The following WDPCP variants were observed in gnomAD, a reference collection of about 807,000 sequenced individuals.
WDPCP encodes WD repeat containing planar cell polarity effector, also known as WD repeat-containing and planar cell polarity effector protein fritz homolog.
Under a neutral mutation model 93.1 loss-of-function variants are expected in WDPCP, and 71 were observed. The ratio of observed to expected loss-of-function variants is 0.76; its 90% CI spans 0.63 to 0.93. WDPCP has a LOEUF of 0.93. Ranked by LOEUF, WDPCP falls within the 40% of genes least tolerant of loss-of-function variation. The pLI is 0.00. For missense variants in WDPCP, 844 were observed against 887.4 expected, an observed-to-expected ratio of 0.95 and a Z score of 0.62; for synonymous variants, 315 against 315.0, an observed-to-expected ratio of 1.00 and a Z score of 0.00.
At chr2:63,545,826 T>A (rs1705114595) in intron 1 of WDPCP, among the ~76,000 whole-genome samples, 1 of 149,302 alleles carries the variant, frequency 6.7e-6, no homozygotes, top group Non-Finnish European at 1.5e-5. Flanking sequence ...TTCCAGCCCC[T>A]CTCGTTTCTT....
intron 1 of WDPCP, among the ~76,000 whole-genome samples, chr2:63,826,192 CT>C (rs1462305665): frequency 6.6e-6 from 1 of 151,946 alleles, no homozygotes; most frequent in Non-Finnish European, 1.5e-5. Context: ...TGGTGTCTTA[CT>C]TCTTATAATA....
At chr2:63,175,757 A>G (rs1243032958) in intron 14 of WDPCP, among the ~76,000 whole-genome samples, 1 of 152,186 alleles carries the variant, frequency 6.6e-6, no homozygotes, top group Non-Finnish European at 1.5e-5. Flanking sequence ...GTAGTATGTG[A>G]CAAGATTTCT....
At chr2:63,337,625 G>A (rs781541119) in intron 12 of WDPCP, among the ~76,000 whole-genome samples, 2 of 152,068 alleles carry the variant, frequency 1.3e-5, no homozygotes, top group Non-Finnish European at 2.9e-5. Context: ...TCTCACCAAC[G>A]GTGTATAAGA....
chr2:63,210,838 C>T (rs1313632753), intron 14 of WDPCP, among the ~76,000 whole-genome samples: 3 of 152,234 alleles, frequency 2.0e-5, no homozygotes. Context: ...GGTCCCATGC[C>T]CACGGAGCCT....
intron 1 of WDPCP, among the ~76,000 whole-genome samples, chr2:63,584,288 A>G (rs2106561691): frequency 6.6e-6 from 1 of 152,322 alleles, no homozygotes; most frequent in South Asian, 2.1e-4. Flanking sequence ...CTGAATTCTG[A>G]TTAATCATTC....
intron 9 of WDPCP, among the ~76,000 whole-genome samples, chr2:63,423,630 C>T (rs1464408980): frequency 6.6e-6 from 1 of 152,154 alleles, no homozygotes; most frequent in African/African-American, 2.4e-5. Flanking sequence ...CAAGTCTACA[C>T]ATCTGAAAAG....
At chr2:63,194,991 T>A (rs1176376696) in intron 14 of WDPCP, among the ~76,000 whole-genome samples, 4 of 152,152 alleles carry the variant, frequency 2.6e-5, no homozygotes, top group Admixed American at 6.5e-5. Context: ...ACTGTTTTTT[T>A]AAAATATATT....
At chr2:63,305,173 A>C (rs965271054) in intron 13 of WDPCP, among the ~76,000 whole-genome samples, 1 of 152,200 alleles carries the variant, frequency 6.6e-6, no homozygotes, top group Non-Finnish European at 1.5e-5. Context: ...GCACAGCTTC[A>C]GCAGACTTAA....
chr2:63,532,185 A>G (rs1291091379), intron 1 of WDPCP, among the ~76,000 whole-genome samples: 1 of 152,208 alleles, frequency 6.6e-6, no homozygotes, highest in African/African-American at 2.4e-5. Context: ...AGAAACAAAC[A>G]AAGCCTCCAA....
the WDPCP span, among the ~76,000 whole-genome samples, chr2:63,833,255 AAAAC>A: frequency 5.3e-5 from 8 of 152,194 alleles, no homozygotes; most frequent in East Asian, 7.7e-4. Flanking sequence ...TCCATCTCAA[AAAAC>A]AAACAAACAC....
intron 13 of WDPCP, among the ~76,000 whole-genome samples, chr2:63,282,219 AC>A (rs1683613646): frequency 6.6e-6 from 1 of 152,178 alleles, no homozygotes; most frequent in South Asian, 2.1e-4. Context: ...ATAAAAACAG[AC>A]ATGGGCTCGG....
At chr2:63,630,085 G>A (rs1381394278) in intron 3 of WDPCP, among the ~76,000 whole-genome samples, 1 of 152,072 alleles carries the variant, frequency 6.6e-6, no homozygotes. Context: ...GAAAAGCTAA[G>A]CATAAGTGAT....
intron 14 of WDPCP, among the ~76,000 whole-genome samples, chr2:63,236,887 T>G (rs1679443488): frequency 6.6e-6 from 1 of 152,076 alleles, no homozygotes; most frequent in African/African-American, 2.4e-5. Flanking sequence ...GAACAAAACC[T>G]AAGAAATACT....
intron 6 of WDPCP, among the ~76,000 whole-genome samples, chr2:63,461,653 G>C (rs1011704564): frequency 6.6e-6 from 1 of 152,218 alleles, no homozygotes. Flanking sequence ...AATGCAGGTA[G>C]ATTGGGACCA....
intron 1 of WDPCP, among the ~76,000 whole-genome samples, chr2:63,578,139 A>G (rs1183916759): frequency 1.3e-5 from 2 of 152,250 alleles, no homozygotes; most frequent in African/African-American, 4.8e-5. Context: ...GGCCAAATTA[A>G]TAAGGCAGAC....
intron 15 of WDPCP, among the ~76,000 whole-genome samples, chr2:63,171,161 T>C (rs1673360388): frequency 6.6e-6 from 1 of 152,036 alleles, no homozygotes; most frequent in Admixed American, 6.6e-5. Context: ...GAAATTTAAG[T>C]ACAACACATA....
intron 12 of WDPCP, chr2:63,369,539 C>A: frequency 2.2e-6 from 1 of 456,218 alleles, no homozygotes; most frequent in Non-Finnish European, 4.4e-6. Context: ...AAACAGATAC[C>A]TCAACTAGAA....
At chr2:63,216,625 G>A (rs1404628125) in intron 14 of WDPCP, among the ~76,000 whole-genome samples, 1 of 151,736 alleles carries the variant, frequency 6.6e-6, no homozygotes, top group African/African-American at 2.4e-5. Context: ...GAGTTAATGG[G>A]TGCAGCACAC....
chr2:63,254,952 A>G (rs1681017235), intron 14 of WDPCP, among the ~76,000 whole-genome samples: 1 of 152,190 alleles, frequency 6.6e-6, no homozygotes, highest in African/African-American at 2.4e-5. Context: ...ATTAAGAAGT[A>G]TTTATTCTGG....
Sources: gnomAD v4.1 joint callset for allele counts (sites outside exome capture counted in the v4.1 genomes callset) on GRCh38, gnomAD v4.1.1 for gene constraint, MANE v1.5 for transcripts, NCBI Gene and HGNC (gene_info 2026-07-23, HGNC 2026-07-21) for gene names.